Variants in SPATS2L observed in about 807,000 individuals in gnomAD.
SPATS2L encodes spermatogenesis associated serine rich 2 like.
Under a neutral mutation model 59.6 loss-of-function variants are expected in SPATS2L, and 30 were observed. The ratio of observed to expected loss-of-function variants is 0.50; its 90% CI spans 0.38 to 0.68. SPATS2L has a LOEUF of 0.68. SPATS2L is among the 30% of genes least tolerant of loss of function. The probability of loss-of-function intolerance (pLI) is 0.00; values close to 1 mark genes in which losing one functional copy is unlikely to be tolerated. For missense variants in SPATS2L, 615 were observed against 700.0 expected (o/e 0.88, Z 1.37); for synonymous variants, 252 against 263.5 (o/e 0.96, Z 0.42).
At chr2:200,371,175 G>A (rs1334500204) in intron 2 of SPATS2L, among the ~76,000 whole-genome samples, 1 of 152,152 alleles carries the variant, frequency 6.6e-6, no homozygotes, top group Non-Finnish European at 1.5e-5. Flanking sequence ...ATGTATATAT[G>A]TATCTCAGGG....
intron 2 of SPATS2L, chr2:200,372,056 T>A: frequency 2.0e-6 from 2 of 985,348 alleles, no homozygotes; most frequent in Non-Finnish European, 2.4e-6. Flanking sequence ...CTTCTGAGAG[T>A]GTGCCTTGTA....
intron 10 of SPATS2L, among the ~76,000 whole-genome samples, chr2:200,468,966 C>T (rs1207224858): frequency 2.0e-5 from 3 of 152,212 alleles, no homozygotes; most frequent in Non-Finnish European, 1.5e-5. Flanking sequence ...GTAGCACAGG[C>T]TTTGGAGTGA....
chr2:200,423,186 A>G (rs2083387757), intron 6 of SPATS2L, among the ~76,000 whole-genome samples: 1 of 152,222 alleles, frequency 6.6e-6, no homozygotes, highest in African/African-American at 2.4e-5. Flanking sequence ...TTTGGACCGC[A>G]GTTGACCATG....
intron 8 of SPATS2L, among the ~76,000 whole-genome samples, chr2:200,447,783 GAAAGTTGCCTTT>G (rs1163536445): frequency 2.0e-5 from 3 of 152,186 alleles, no homozygotes; most frequent in Non-Finnish European, 2.9e-5. Context: ...TTACCAGTAG[GAAAGTTGCCTTT>G]AGGAGCCTTT....
chr2:200,385,939 C>T (rs530766933), intron 2 of SPATS2L, among the ~76,000 whole-genome samples: 2 of 152,296 alleles, frequency 1.3e-5, no homozygotes, highest in Admixed American at 1.3e-4. Flanking sequence ...GTGATCCGCC[C>T]ACCTTGGCCT....
chr2:200,449,952 A>AT (rs1410207171), intron 8 of SPATS2L, among the ~76,000 whole-genome samples: 1 of 152,314 alleles, frequency 6.6e-6, no homozygotes, highest in East Asian at 1.9e-4. Flanking sequence ...TGTATACTAC[A>AT]TGCTGCTTCT....
At chr2:200,393,141 G>T (rs1461111372) in intron 3 of SPATS2L, 1 of 452,786 alleles carries the variant, frequency 2.2e-6, no homozygotes, top group Admixed American at 2.4e-5. Context: ...TCGAGGATTG[G>T]CAGCCCCTTT....
At chr2:200,307,969 T>C (rs1177297604) in intron 1 of SPATS2L, among the ~76,000 whole-genome samples, 1 of 152,200 alleles carries the variant, frequency 6.6e-6, no homozygotes, top group Non-Finnish European at 1.5e-5. Flanking sequence ...TGCTTATTTT[T>C]TGAAATTTAA....
intron 8 of SPATS2L, among the ~76,000 whole-genome samples, chr2:200,456,095 C>T (rs1011141460): frequency 6.6e-6 from 1 of 152,292 alleles, no homozygotes; most frequent in South Asian, 2.1e-4. Flanking sequence ...AAGCCTACTG[C>T]CTGGAAAGCA....
chr2:200,408,857 G>T (rs13024020), intron 3 of SPATS2L, among the ~76,000 whole-genome samples: 133,116 of 152,276 alleles, frequency 0.87, 59,408 homozygotes, highest in Non-Finnish European at 0.96. Flanking sequence ...ACTCAAGAGG[G>T]GGCATCAAAA....
intron 1 of SPATS2L, among the ~76,000 whole-genome samples, chr2:200,320,555 G>A (rs528477819): frequency 2.6e-5 from 4 of 152,282 alleles, no homozygotes; most frequent in South Asian, 2.1e-4. Flanking sequence ...GGACAGAGTC[G>A]TCAGGCTGAG....
intron 3 of SPATS2L, among the ~76,000 whole-genome samples, chr2:200,401,405 CTCT>C (rs1258357519): frequency 6.6e-6 from 1 of 152,168 alleles, no homozygotes; most frequent in Non-Finnish European, 1.5e-5. Context: ...GATGGATACC[CTCT>C]TACAGAGAGA....
intron 10 of SPATS2L, 74 bp from the exon 11 acceptor site, chr2:200,469,840 G>A: frequency 1.8e-6 from 2 of 1,134,330 alleles, no homozygotes; most frequent in Non-Finnish European, 1.3e-6. Context: ...GAAGAGCAGA[G>A]TGAACGCATC....
In SPATS2L at chr2:200,329,481, G is replaced by A; in HGVS notation, c.-23+1G>A. On this transcript the variant is annotated splice_donor_variant, in intron 2 of 12. Coordinates refer to ENST00000409140, the MANE Select transcript of SPATS2L (RefSeq NM_001100423.2). LOFTEE classifies it low-confidence loss of function (5UTR_SPLICE). ...CAGGAACATTGCTGTGGATTCCCAGGTGAGTAGAGATGGTCCTTCCCTCTC... is the reference window on the plus strand; with the variant it reads ...CAGGAACATTGCTGTGGATTCCCAGATGAGTAGAGATGGTCCTTCCCTCTC... 6.5e-7 allele frequency: 1 copy of A among 1,550,334 alleles called. No homozygotes were observed. The highest frequency in any genetic ancestry group is 8.7e-7 in the Non-Finnish European group (1 of 1,146,774).
intron 2 of SPATS2L, among the ~76,000 whole-genome samples, chr2:200,348,885 G>GAA (rs796498029): frequency 1.1e-4 from 14 of 130,852 alleles, no homozygotes; most frequent in African/African-American, 3.4e-4. Context: ...GTTTCATTAA[G>GAA]AAAAAAAAAA....
chr2:200,313,535 A>G (rs952253477), intron 1 of SPATS2L, among the ~76,000 whole-genome samples: 2 of 151,950 alleles, frequency 1.3e-5, no homozygotes, highest in African/African-American at 4.8e-5. Context: ...TTCCTCAGGG[A>G]CCTTGCTTCA....
intron 2 of SPATS2L, among the ~76,000 whole-genome samples, chr2:200,350,901 AT>A (rs1011742942): frequency 5.3e-5 from 8 of 151,586 alleles, no homozygotes; most frequent in African/African-American, 1.7e-4. Context: ...AGTGTGGTTA[AT>A]TTTTTTTTGT....
intron 2 of SPATS2L, among the ~76,000 whole-genome samples, chr2:200,376,214 A>T (rs1045063327): frequency 1.3e-5 from 2 of 152,208 alleles, no homozygotes; most frequent in Non-Finnish European, 2.9e-5. Flanking sequence ...AAAGTCATGT[A>T]TATTTGAAGC....
intron 3 of SPATS2L, among the ~76,000 whole-genome samples, chr2:200,403,892 T>C (rs2082609096): frequency 6.7e-6 from 1 of 150,308 alleles, no homozygotes; most frequent in South Asian, 2.1e-4. Flanking sequence ...TTCTCCACTT[T>C]TTAAGCCCCA....
Sources: gnomAD v4.1 joint callset for allele counts (sites outside exome capture counted in the v4.1 genomes callset) on GRCh38, gnomAD v4.1.1 for gene constraint, MANE v1.5 for transcripts, NCBI Gene and HGNC (gene_info 2026-07-23, HGNC 2026-07-21) for gene names.